Variants in CLUL1 observed in about 807,000 individuals in gnomAD.
The protein encoded by CLUL1 is clusterin like 1.
Under a neutral mutation model 49.4 loss-of-function variants are expected in CLUL1, and 43 were observed. The observed-to-expected ratio is 0.87, with a 90% CI of 0.68 to 1.12. The LOEUF (loss-of-function observed/expected upper bound fraction) is 1.12. CLUL1 is among the 50% of genes most tolerant of loss of function. The pLI is 0.00. For synonymous variants in CLUL1, 192 were observed against 184.9 expected (o/e 1.04, Z -0.31); for missense variants, 486 against 544.4 (o/e 0.89, Z 1.07).
chr18:611,926 C>G (rs948695259), intron 2 of CLUL1, among the ~76,000 whole-genome samples: 2 of 152,168 alleles, frequency 1.3e-5, no homozygotes, highest in African/African-American at 4.8e-5. Flanking sequence ...TCTGCCCCGG[C>G]CTTTCTCATC....
chr18:611,054 A>T (rs1294899051), intron 2 of CLUL1, among the ~76,000 whole-genome samples: 1 of 151,776 alleles, frequency 6.6e-6, no homozygotes, highest in African/African-American at 2.4e-5. Context: ...TCCCAAGTCC[A>T]CTTCCCATGC....
At chr18:613,723 G>C (rs2073211811) in intron 2 of CLUL1, among the ~76,000 whole-genome samples, 1 of 152,038 alleles carries the variant, frequency 6.6e-6, no homozygotes, top group Non-Finnish European at 1.5e-5. Flanking sequence ...CAAAATGCTG[G>C]GATTACAGGC....
At chr18:623,866 T>C (rs1215069737) in intron 4 of CLUL1, among the ~76,000 whole-genome samples, 1 of 152,134 alleles carries the variant, frequency 6.6e-6, no homozygotes, top group African/African-American at 2.4e-5. Context: ...ATGTGGAAGA[T>C]TGTCAGTGCC....
chr18:641,563 A>G (rs894888819), intron 8 of CLUL1, 22 bp downstream of exon 8: 2 of 1,595,122 alleles, frequency 1.3e-6, no homozygotes, highest in African/African-American at 2.7e-5. Flanking sequence ...ACCCAAGAGC[A>G]GATACGGAAA....
chr18:598,757 T>A (rs1356638874), intron 1 of CLUL1, among the ~76,000 whole-genome samples: 1 of 152,186 alleles, frequency 6.6e-6, no homozygotes, highest in Non-Finnish European at 1.5e-5. Flanking sequence ...TGTGAGAATA[T>A]GAGATCCACT....
At chr18:642,755 C>T (rs1252418261) in intron 8 of CLUL1, among the ~76,000 whole-genome samples, 1 of 152,256 alleles carries the variant, frequency 6.6e-6, no homozygotes, top group Non-Finnish European at 1.5e-5. Flanking sequence ...CCAGCTCCCA[C>T]TGGTGCTGGT....
intron 1 of CLUL1, among the ~76,000 whole-genome samples, chr18:605,748 C>T (rs1440023572): frequency 6.6e-6 from 1 of 152,134 alleles, no homozygotes; most frequent in Non-Finnish European, 1.5e-5. Flanking sequence ...ACGATCTTGG[C>T]TCACTGCAAC....
chr18:635,918 G>A (rs1449799477), intron 7 of CLUL1, among the ~76,000 whole-genome samples: 1 of 152,098 alleles, frequency 6.6e-6, no homozygotes, highest in Non-Finnish European at 1.5e-5. Flanking sequence ...TGTATTTTTA[G>A]TAGAGATGGG....
At position 617,986 on chromosome 18, in the gene CLUL1, A is replaced by G. The variant is rs748349535; in HGVS notation, c.-13-2A>G. ...TGATGCGGGTTTATTTTTCCTTTGC[A>G]GTAACAGCGGGAACATGAAGCCGCC... On this transcript the variant is annotated splice_acceptor_variant, in intron 2 of 9. Coordinates refer to ENST00000692774, the MANE Select transcript of CLUL1 (RefSeq NM_001393344.1). LOFTEE classifies it low-confidence loss of function (5UTR_SPLICE). 134 of 1,612,900 alleles carry G rather than the reference A, an allele frequency of 8.3e-5. No homozygotes were observed. The highest frequency in any genetic ancestry group is 1.1e-4 in the Non-Finnish European group (129 of 1,179,300).
rs542746136 is a variant in CLUL1 at position 618,995 on chromosome 18, A to G, written c.107-218A>G. On this transcript the variant is annotated intron_variant, in intron 3 of 9. Coordinates refer to ENST00000692774, the MANE Select transcript of CLUL1 (RefSeq NM_001393344.1). The surrounding 1 kb of genome is among the most constrained non-coding windows in gnomAD (Gnocchi z 4.2). The stretch of plus-strand genomic sequence containing the variant: ...ACAAGAATGAGGTTCAGTGAACTCT[A>G]TTTGTTTAGGCGCTCACAAGTGAGG... Among the ~76,000 whole-genome samples the G allele has an allele frequency of 3.3e-5, 5 of 152,286 alleles. No homozygotes were observed. The South Asian group carries it at 1.0e-3, about 32-fold the overall frequency.
At chr18:619,420 T>TAACAAG in intron 4 of CLUL1, 59 bp downstream of exon 4, 2 of 1,397,040 alleles carry the variant, frequency 1.4e-6, no homozygotes, top group Non-Finnish European at 1.9e-6. Context: ...AATACTGCAC[T>TAACAAG]TGTTAGTGCG....
chr18:625,659 G>C (rs1443350979), intron 5 of CLUL1, among the ~76,000 whole-genome samples: 1 of 152,034 alleles, frequency 6.6e-6, no homozygotes. Flanking sequence ...ATCACAGAGG[G>C]TGGTGACCTG....
rs560091406 is a variant in CLUL1 at position 626,383 on chromosome 18, T to C, written c.424-714T>C. On this transcript the variant is annotated intron_variant, in intron 5 of 9. Transcript: ENST00000692774. ...TCCCAAAGTGAAAACTTGACCTTTT[T>C]AGGCTATTGGTGGGCAATGTAAACC... is the stretch of plus-strand genomic sequence containing the variant. Among the ~76,000 whole-genome samples, 26 of 152,288 alleles carry C rather than the reference T, an allele frequency of 1.7e-4. No homozygotes were observed. The East Asian group carries it at 5.0e-3, about 29-fold the overall frequency.
chr18:633,456 T>A (rs1274466439), intron 7 of CLUL1, 21 bp downstream of exon 7: 1 of 1,604,212 alleles, frequency 6.2e-7, no homozygotes. Context: ...GCTATTTTGT[T>A]TTTTATTCTA....
At chr18:612,186 A>T (rs954400714) in intron 2 of CLUL1, among the ~76,000 whole-genome samples, 1 of 152,150 alleles carries the variant, frequency 6.6e-6, no homozygotes, top group Non-Finnish European at 1.5e-5. Context: ...GCCTTTTAAA[A>T]CCAGTGCATT....
chr18:613,016 T>C, intron 2 of CLUL1: 1 of 299,000 alleles, frequency 3.3e-6, no homozygotes, highest in Non-Finnish European at 6.1e-6. Flanking sequence ...TTCATGATGA[T>C]GGTGAAGTGG....
chr18:648,021 C>T (rs1433055233), intron 9 of CLUL1, among the ~76,000 whole-genome samples: 10 of 152,098 alleles, frequency 6.6e-5, no homozygotes, highest in African/African-American at 2.2e-4. Flanking sequence ...TTAATAAACA[C>T]GTGTAAATGA....
chr18:626,379 T>G (rs890631229), intron 5 of CLUL1, among the ~76,000 whole-genome samples: 1 of 152,166 alleles, frequency 6.6e-6, no homozygotes, highest in East Asian at 1.9e-4. Context: ...AAACTTGACC[T>G]TTTTAGGCTA....
At chr18:635,166 A>G (rs916759546) in intron 7 of CLUL1, among the ~76,000 whole-genome samples, 2 of 152,188 alleles carry the variant, frequency 1.3e-5, no homozygotes, top group African/African-American at 4.8e-5. Flanking sequence ...ATTCTTCTGT[A>G]AAACAGTGGT....
Sources: gnomAD v4.1 joint callset for allele counts (sites outside exome capture counted in the v4.1 genomes callset) on GRCh38, gnomAD v4.1.1 for gene constraint, Gnocchi (gnomAD v3.1) non-coding constraint, MANE v1.5 for transcripts, NCBI Gene and HGNC (gene_info 2026-07-23, HGNC 2026-07-21) for gene names.